KIFC3: variants seen among roughly 807,000 people sequenced by gnomAD.
KIFC3 encodes the protein kinesin-like protein KIFC3.
In KIFC3, 60 loss-of-function variants were observed where a neutral mutation model predicts 101.8. That is an observed-to-expected ratio of 0.59 (90% confidence interval 0.48 to 0.73). KIFC3 has a LOEUF of 0.73. Ranked by LOEUF, KIFC3 falls within the 30% of genes least tolerant of loss-of-function variation. The pLI, the probability that KIFC3 is intolerant of heterozygous loss-of-function variation, is 0.00. For synonymous variants in KIFC3, 476 were observed against 482.7 expected (o/e 0.99, Z 0.18); for missense variants, 966 against 1,137.1 (o/e 0.85, Z 2.16).
At chr16:57,759,690 G>A in intron 18 of KIFC3, 38 bp downstream of exon 18, 1 of 1,510,258 alleles carries the variant, frequency 6.6e-7, no homozygotes, top group Non-Finnish European at 9.1e-7. Flanking sequence ...CTATTACCCT[G>A]GGGAGACTCC....
chr16:57,780,241 T>C (rs2052561164), intron 3 of KIFC3, among the ~76,000 whole-genome samples: 1 of 152,194 alleles, frequency 6.6e-6, no homozygotes, highest in African/African-American at 2.4e-5. Context: ...CCGGGCGCGG[T>C]GGCTCACGCC....
At chr16:57,787,550 G>A (rs1185442471) in intron 3 of KIFC3, among the ~76,000 whole-genome samples, 2 of 152,220 alleles carry the variant, frequency 1.3e-5, no homozygotes, top group African/African-American at 4.8e-5. Flanking sequence ...AGGACGGGAG[G>A]ACAAGGTGAG....
intron 1 of KIFC3, among the ~76,000 whole-genome samples, chr16:57,830,078 A>G (rs1434541213): frequency 1.3e-5 from 2 of 152,084 alleles, no homozygotes; most frequent in East Asian, 3.9e-4. Flanking sequence ...CCAGGGAATT[A>G]TGTCCTCGAA....
intron 3 of KIFC3, chr16:57,788,648 C>G: frequency 7.8e-7 from 1 of 1,289,654 alleles, no homozygotes; most frequent in Non-Finnish European, 1.0e-6. Flanking sequence ...GCGCCTGTCT[C>G]TTCCAAAGCT....
chr16:57,764,594 G>A (rs760608465), intron 11 of KIFC3, among the ~76,000 whole-genome samples: 28 of 152,252 alleles, frequency 1.8e-4, no homozygotes, highest in Non-Finnish European at 3.7e-4. Flanking sequence ...TCAGAGGATG[G>A]GGGCAAAGAT....
At chr16:57,794,886 G>A (rs1568043844) in intron 3 of KIFC3, 113 bp downstream of exon 3, 1 of 971,414 alleles carries the variant, frequency 1.0e-6, no homozygotes, top group East Asian at 3.1e-5. Context: ...GAGGTGCGAG[G>A]TGGGTCCCCG....
chr16:57,846,538 C>G (rs1347904952), intron 1 of KIFC3: 1 of 152,272 alleles, frequency 6.6e-6, no homozygotes, highest in East Asian at 1.9e-4. Flanking sequence ...AGGCGCTGTT[C>G]AGCCCAGCAG....
At chr16:57,801,878 G>T (rs1484884625) in intron 1 of KIFC3, among the ~76,000 whole-genome samples, 2 of 152,232 alleles carry the variant, frequency 1.3e-5, no homozygotes, top group African/African-American at 4.8e-5. Flanking sequence ...CTCACTGCCC[G>T]GAGGGCACCG....
intron 1 of KIFC3, among the ~76,000 whole-genome samples, chr16:57,836,852 C>A (rs1381764404): frequency 1.3e-5 from 2 of 152,068 alleles, no homozygotes; most frequent in Non-Finnish European, 2.9e-5. Context: ...CCATCATAAG[C>A]TGCTAATTTT....
intron 16 of KIFC3, 63 bp from the exon 17 acceptor site, chr16:57,760,479 G>A (rs2049709970): frequency 2.5e-6 from 4 of 1,577,738 alleles, no homozygotes; most frequent in African/African-American, 1.3e-5. Context: ...GGTCACGAGA[G>A]GGAGCTCACA....
intron 1 of KIFC3, among the ~76,000 whole-genome samples, chr16:57,847,877 C>T (rs1415213095): frequency 6.6e-6 from 1 of 150,968 alleles, no homozygotes; most frequent in African/African-American, 2.4e-5. Flanking sequence ...CCTCTGCCTC[C>T]GAGATTCAAG....
upstream of KIFC3, chr16:57,802,973 G>A (rs2054836591): frequency 6.5e-7 from 1 of 1,535,618 alleles, no homozygotes; most frequent in East Asian, 2.4e-5. The surrounding 1 kb of genome is among the most constrained non-coding windows in gnomAD (Gnocchi z 5.0). Context: ...GACAATACAT[G>A]TACATCCCTT....
chr16:57,761,212 TG>T (rs1168686220), intron 14 of KIFC3, 41 bp from the exon 15 acceptor site: 1 of 1,608,734 alleles, frequency 6.2e-7, no homozygotes, highest in East Asian at 2.2e-5. Flanking sequence ...GCGTTGAGAA[TG>T]GGGTCCTCAG....
At chr16:57,776,145 G>A in intron 3 of KIFC3, 1 of 985,428 alleles carries the variant, frequency 1.0e-6, no homozygotes, top group Non-Finnish European at 1.2e-6. Context: ...ACCAAGCCCA[G>A]TCAACGATCA....
rs185529060 is a variant in KIFC3, at chr16:57,765,612, C to T, written c.1359G>A (p.Arg453=). Residue 453 remains arginine (R), a synonymous_variant, in exon 11 of 20, where the codon CGG becomes CGA. Transcript: ENST00000445690. The part of the protein sequence containing the change: ...KGNIRVIARV[R]PVTKEDGEGP... Reference sequence around the variant, plus strand: ...CTTCCCCATCCTCTTTGGTGACTGGCCGGACACGAGCAATCACTCGGATGT... The same window carrying T: ...CTTCCCCATCCTCTTTGGTGACTGGTCGGACACGAGCAATCACTCGGATGT... The T allele has an allele frequency of 1.9e-6, 3 of 1,611,526 alleles. No individual in the cohort carries two copies. Among genetic ancestry groups the T allele is most frequent in the East Asian group, 2.2e-5 (1 of 44,852 alleles).
rs782371783 is a variant in KIFC3, at chr16:57,769,673, G to T, written c.1140C>A (p.Asn380Lys). The change falls in exon 9 of 20, where the codon AAC becomes AAA. Residue 380 changes from asparagine (N) to lysine (K), a missense_variant. Physicochemically the swap from Asn to Lys is moderately conservative, Grantham distance 94 (BLOSUM62 0). Coordinates refer to ENST00000445690, the MANE Select transcript of KIFC3 (RefSeq NM_001130100.2). This position sits in a 1 kb window ranked among gnomAD's most constrained non-coding sequence, Gnocchi z 4.3. ...TLQPALRTLTNDYNGLKRQVR... is the reference protein window; with the variant it reads ...TLQPALRTLTKDYNGLKRQVR... ...CCTGCCGCTTGAGCCCATTGTAGTC[G>T]TTGGTGAGGGTCCGCAGTGCCGGCT... 6.2e-7 allele frequency: 1 copy of T among 1,612,354 alleles called. No homozygotes were observed. The highest frequency in any genetic ancestry group is 1.1e-5 in the South Asian group (1 of 91,028).
At position 57,769,803 on chromosome 16, in the gene KIFC3, C is replaced by T. The variant is rs1555606107; in HGVS notation, c.1087+5G>A. On this transcript the variant is annotated splice_donor_5th_base_variant and intron_variant, in intron 8 of 19. Coordinates refer to ENST00000445690, the MANE Select transcript of KIFC3 (RefSeq NM_001130100.2). The surrounding 1 kb of genome is among the most constrained non-coding windows in gnomAD (Gnocchi z 4.3). ...GGGCAGACAGGGCCCAGCTGGTCAG[C>T]TCACCTGCTAGATTCTCGTGCACAG... 4 of 1,613,192 alleles carry T rather than the reference C, an allele frequency of 2.5e-6. No individual in the cohort carries two copies. The highest frequency in any genetic ancestry group is 2.2e-5 in the East Asian group (1 of 44,886).
chr16:57,788,606 T>A, intron 3 of KIFC3: 2 of 1,289,276 alleles, frequency 1.6e-6, no homozygotes, highest in Non-Finnish European at 1.0e-6. Context: ...TGCCACCAGC[T>A]TCCCGGGCCT....
intron 1 of KIFC3, among the ~76,000 whole-genome samples, chr16:57,823,761 T>TTGTGTGTGTGTGTGTGTGTGTGTGTG (rs542476459): frequency 2.2e-5 from 3 of 136,620 alleles, no homozygotes; most frequent in Non-Finnish European, 4.7e-5. Context: ...CCCGGCTACT[T>TTGTGTGTGTGTGTGTGTGTGTGTGTG]TGTGTGTGTG....
Sources: allele counts gnomAD v4.1 joint callset (sites outside exome capture counted in the v4.1 genomes callset), GRCh38; gene constraint gnomAD v4.1.1; non-coding constraint Gnocchi (gnomAD v3.1); transcripts MANE v1.5; gene names NCBI Gene and HGNC (gene_info 2026-07-23, HGNC 2026-07-21).